The following EPC2 variants were observed in gnomAD, a reference collection of about 807,000 sequenced individuals.
The protein encoded by EPC2 is enhancer of polycomb homolog 2.
A neutral mutation model predicts 92.1 loss-of-function variants in EPC2; 14 were observed. That is an observed-to-expected ratio of 0.15 (90% confidence interval 0.10 to 0.24). The LOEUF is 0.24. Among genes scored for constraint, EPC2 ranks in the 10% least tolerant of loss-of-function variants. EPC2 has a pLI of 1.00. For synonymous variants in EPC2, 340 were observed against 334.7 expected (o/e 1.02, Z -0.17); for missense variants, 755 against 971.5 (o/e 0.78, Z 2.96).
chr2:148,676,918 A>ATACCTT (rs1344198244), intron 1 of EPC2, among the ~76,000 whole-genome samples: 56 of 151,742 alleles, frequency 3.7e-4, no homozygotes, highest in African/African-American at 1.4e-3. Flanking sequence ...GGTCAAAGGG[A>ATACCTT]TACCTTTTTA....
chr2:148,745,777 G>A (rs1682974874), intron 3 of EPC2, among the ~76,000 whole-genome samples: 2 of 152,012 alleles, frequency 1.3e-5, no homozygotes, highest in African/African-American at 4.8e-5. Context: ...ATGGGGGCTG[G>A]CATAGTACTA....
In EPC2 at chr2:148,786,481, C is replaced by A; in HGVS notation, c.*104C>A. ...GTGGATCACAGAGTGTAACAATGGA[C>A]CTAAATGGACTATAGTATATTGGAT... On this transcript the variant is annotated 3_prime_UTR_variant, in exon 14 of 14. Coordinates refer to ENST00000258484, the MANE Select transcript of EPC2 (RefSeq NM_015630.4). 1.2e-6 allele frequency: 1 copy of A among 852,610 alleles called. No individual in the cohort carries two copies. The highest frequency in any genetic ancestry group is 1.9e-6 in the Non-Finnish European group (1 of 524,744). 52.8% of individuals were successfully genotyped at this position (852,610 alleles called of 1,614,324 possible).
At chr2:148,721,372 G>C (rs1277389314) in intron 2 of EPC2, among the ~76,000 whole-genome samples, 3 of 151,468 alleles carry the variant, frequency 2.0e-5, no homozygotes, top group Non-Finnish European at 4.4e-5. Context: ...ACTCCATGCT[G>C]TTCTTACTTC....
At chr2:148,679,244 T>C (rs571818383) in intron 1 of EPC2, among the ~76,000 whole-genome samples, 2 of 152,224 alleles carry the variant, frequency 1.3e-5, no homozygotes, top group Non-Finnish European at 2.9e-5. Flanking sequence ...AGGTTTTTCA[T>C]CTTTATACTA....
intron 2 of EPC2, among the ~76,000 whole-genome samples, chr2:148,732,626 C>G (rs1682658366): frequency 6.6e-6 from 1 of 152,044 alleles, no homozygotes; most frequent in African/African-American, 2.4e-5. Flanking sequence ...GGTGATCCGC[C>G]CACCTTGGCC....
intron 1 of EPC2, among the ~76,000 whole-genome samples, chr2:148,689,130 G>A (rs1053974191): frequency 8.6e-5 from 13 of 151,980 alleles, no homozygotes; most frequent in African/African-American, 2.9e-4. Flanking sequence ...AGAGGAGAGA[G>A]GTTGGAAATG....
At chr2:148,667,218 T>G (rs1295377406) in intron 1 of EPC2, among the ~76,000 whole-genome samples, 1 of 152,222 alleles carries the variant, frequency 6.6e-6, no homozygotes, top group African/African-American at 2.4e-5. Context: ...GAATGAAGAC[T>G]TTGCCAATCA....
chr2:148,785,065 A>C (rs1683838705), intron 13 of EPC2, 64 bp downstream of exon 13: 1 of 1,327,974 alleles, frequency 7.5e-7, no homozygotes, highest in Non-Finnish European at 1.0e-6. Context: ...GAAGAAAAAG[A>C]CTTTTTTTTA....
intron 1 of EPC2, among the ~76,000 whole-genome samples, chr2:148,661,317 TTC>T (rs1255072367): frequency 6.6e-6 from 1 of 152,170 alleles, no homozygotes; most frequent in East Asian, 1.9e-4. Flanking sequence ...AAATGGAATC[TTC>T]TCTCTCATTA....
chr2:148,738,343 G>A, intron 2 of EPC2, among the ~76,000 whole-genome samples: 1 of 152,306 alleles, frequency 6.6e-6, no homozygotes, highest in Non-Finnish European at 1.5e-5. Flanking sequence ...AGTGTCACCT[G>A]TCAAACATGG....
chr2:148,647,323 T>C (rs1040080707), intron 1 of EPC2, among the ~76,000 whole-genome samples: 1 of 152,206 alleles, frequency 6.6e-6, no homozygotes, highest in Non-Finnish European at 1.5e-5. Context: ...TATTTGTTTT[T>C]TGAGATGGAG....
At chr2:148,719,721 G>A (rs1267186604) in intron 2 of EPC2, among the ~76,000 whole-genome samples, 2 of 152,218 alleles carry the variant, frequency 1.3e-5, no homozygotes, top group Non-Finnish European at 2.9e-5. Context: ...GGGATCAGGG[G>A]CCCGCTTAAA....
intron 2 of EPC2, among the ~76,000 whole-genome samples, chr2:148,707,287 A>G (rs1682021997): frequency 6.6e-6 from 1 of 152,222 alleles, no homozygotes; most frequent in Non-Finnish European, 1.5e-5. Context: ...CAATTCAACA[A>G]GAAGAGCTAA....
chr2:148,682,564 T>G (rs942345153), intron 1 of EPC2, among the ~76,000 whole-genome samples: 13 of 151,638 alleles, frequency 8.6e-5, no homozygotes, highest in Non-Finnish European at 1.3e-4. Context: ...TTGTATAGAG[T>G]TTTTTTTGGG....
intron 1 of EPC2, among the ~76,000 whole-genome samples, chr2:148,678,567 T>C (rs1681323173): frequency 6.6e-6 from 1 of 152,212 alleles, no homozygotes; most frequent in Admixed American, 6.5e-5. Context: ...GCTAAGGCCC[T>C]GCGAGAAATC....
intron 13 of EPC2, among the ~76,000 whole-genome samples, chr2:148,785,409 C>T (rs545320414): frequency 9.2e-5 from 14 of 151,960 alleles, no homozygotes; most frequent in Non-Finnish European, 1.8e-4. Context: ...CTCACTGCAG[C>T]CTCCGCCTCC....
At chr2:148,651,007 G>C (rs551330673) in intron 1 of EPC2, among the ~76,000 whole-genome samples, 2 of 152,284 alleles carry the variant, frequency 1.3e-5, no homozygotes, top group South Asian at 4.1e-4. Flanking sequence ...TGGAAAGTTA[G>C]CAAAAACTAC....
chr2:148,734,591 G>T (rs1040779179), intron 2 of EPC2, among the ~76,000 whole-genome samples: 3 of 152,006 alleles, frequency 2.0e-5, no homozygotes, highest in Admixed American at 6.5e-5. Flanking sequence ...AATAATAATT[G>T]CTTGCCTTTA....
intron 10 of EPC2, among the ~76,000 whole-genome samples, chr2:148,775,624 T>A (rs1484631584): frequency 5.9e-5 from 2 of 33,948 alleles, no homozygotes; most frequent in Non-Finnish European, 6.2e-5. Flanking sequence ...ATTATTTAAA[T>A]TAAATATCTT....
Sources: gnomAD v4.1 joint callset for allele counts (sites outside exome capture counted in the v4.1 genomes callset) on GRCh38, gnomAD v4.1.1 for gene constraint, MANE v1.5 for transcripts, NCBI Gene and HGNC (gene_info 2026-07-23, HGNC 2026-07-21) for gene names.